Variants in CWC25 observed in about 807,000 individuals in gnomAD.
CWC25 encodes pre-mRNA-splicing factor CWC25 homolog.
Under a neutral mutation model 54.6 loss-of-function variants are expected in CWC25, and 31 were observed. That is an observed-to-expected ratio of 0.57 (90% confidence interval 0.43 to 0.77). The LOEUF is 0.77. Ranked by LOEUF, CWC25 falls within the 30% of genes least tolerant of loss-of-function variation. The pLI is 0.00. For missense variants in CWC25, 453 were observed against 529.3 expected (o/e 0.86, Z 1.41); for synonymous variants, 151 against 187.0 (o/e 0.81, Z 1.57).
chr17:38,807,394 A>G (rs1290624255), intron 6 of CWC25, among the ~76,000 whole-genome samples: 1 of 140,078 alleles, frequency 7.1e-6, no homozygotes, highest in East Asian at 2.1e-4. Flanking sequence ...TGAGCACACC[A>G]ATATCATCAC....
At chr17:38,812,899 T>C (rs748044707) in intron 3 of CWC25, 35 bp from the exon 4 acceptor site, 2 of 1,208,122 alleles carry the variant, frequency 1.7e-6, no homozygotes, top group African/African-American at 1.5e-5. Context: ...CATGACTATT[T>C]CTTTTCTCCA....
At chr17:38,824,181 C>T (rs1912043339) in intron 1 of CWC25, among the ~76,000 whole-genome samples, 1 of 152,184 alleles carries the variant, frequency 6.6e-6, no homozygotes, top group South Asian at 2.1e-4. Context: ...CTAGCATTTT[C>T]CCAACCTTGC....
At chr17:38,805,301 A>C (rs11870998) in intron 8 of CWC25, among the ~76,000 whole-genome samples, 15,669 of 152,040 alleles carry the variant, frequency 0.1, 2,166 homozygotes, top group African/African-American at 0.32. Flanking sequence ...AGAAAAAAGA[A>C]AATATCTAAT....
chr17:38,803,714 CA>C (rs1244784657), intron 8 of CWC25, among the ~76,000 whole-genome samples: 1 of 147,430 alleles, frequency 6.8e-6, no homozygotes, highest in African/African-American at 2.6e-5. Context: ...TTAGAGCATT[CA>C]AATGAGAGTA....
chr17:38,813,079 G>A (rs758615175), intron 3 of CWC25, among the ~76,000 whole-genome samples: 7 of 151,888 alleles, frequency 4.6e-5, no homozygotes, highest in African/African-American at 7.3e-5. Flanking sequence ...CCTGGGAGGC[G>A]GAGATTGCAG....
chr17:38,823,074 A>G, intron 1 of CWC25, among the ~76,000 whole-genome samples: 1 of 151,030 alleles, frequency 6.6e-6, no homozygotes, highest in African/African-American at 2.4e-5. Context: ...TCCTGACCTC[A>G]TGATCTGCCC....
chr17:38,824,631 A>T (rs1912067490), intron 1 of CWC25, among the ~76,000 whole-genome samples: 1 of 151,828 alleles, frequency 6.6e-6, no homozygotes, highest in Admixed American at 6.6e-5. Flanking sequence ...GGTTGCGGTC[A>T]GCCGAGATCG....
intron 9 of CWC25, among the ~76,000 whole-genome samples, 197 bp downstream of exon 9, chr17:38,802,503 A>G (rs1253197735): frequency 6.6e-6 from 1 of 152,222 alleles, no homozygotes; most frequent in African/African-American, 2.4e-5. Context: ...ATGATTTAGA[A>G]AATACCAAAT....
intron 1 of CWC25, 62 bp from the exon 2 acceptor site, chr17:38,821,135 A>G: frequency 2.0e-6 from 3 of 1,529,408 alleles, no homozygotes; most frequent in South Asian, 1.2e-5. Flanking sequence ...GGGTATAACT[A>G]GCCCTGCCTC....
intron 6 of CWC25, among the ~76,000 whole-genome samples, chr17:38,808,948 A>C (rs1299005356): frequency 1.5e-5 from 1 of 66,298 alleles, no homozygotes; most frequent in African/African-American, 1.6e-4. Flanking sequence ...CTCCACCTCA[A>C]AAAAAAAAAA....
chr17:38,804,026 CAGAGTG>C (rs2143541901), intron 8 of CWC25, among the ~76,000 whole-genome samples: 1 of 152,086 alleles, frequency 6.6e-6, no homozygotes, highest in East Asian at 1.9e-4. Flanking sequence ...ACCTAGGCAA[CAGAGTG>C]AGACCTTGTA....
Position 38,802,779 on chromosome 17 carries a change from T to C in CWC25, c.1084A>G (p.Ile362Val), listed in dbSNP as rs1479396258. 6.2e-7 allele frequency: 1 copy of C among 1,614,010 alleles called. No individual in the cohort carries two copies. The highest frequency in any genetic ancestry group is 1.1e-5 in the South Asian group (1 of 91,084). ...TCATCCTTAGCATGCCTCTTGAGGA[T>C]GTTCAGTCTCTCCTCCTCCCTCCAT... The part of the protein sequence containing the change: ...AKWREEERLN[I>V]LKRHAKDEER... Residue 362 changes from isoleucine to valine, a missense_variant, in exon 9 of 10, where the codon ATC becomes GTC. Transcript: ENST00000614790.
Position 38,814,860 on chromosome 17 carries a change from C to A in CWC25, c.428+1G>T, listed in dbSNP as rs1210938856. ...CCCCCTTCCTAGCCCCCCATTAGTA[C>A]CTGATGATGAAGAGTGGGTCCTCCC... is the stretch of plus-strand genomic sequence containing the variant. On this transcript the variant is annotated splice_donor_variant, in intron 3 of 9. Coordinates refer to ENST00000614790, the MANE Select transcript of CWC25 (RefSeq NM_017748.5). LOFTEE classifies it high-confidence loss of function. 1 of 1,610,382 alleles carries A rather than the reference C, an allele frequency of 6.2e-7. No homozygotes were observed. The highest frequency in any genetic ancestry group is 2.2e-5 in the East Asian group (1 of 44,774).
chr17:38,816,396 C>T (rs989778558), intron 2 of CWC25, among the ~76,000 whole-genome samples: 3 of 151,768 alleles, frequency 2.0e-5, no homozygotes, highest in African/African-American at 7.3e-5. Flanking sequence ...CAGGGATGCA[C>T]CACCATGCCT....
At position 38,808,316 on chromosome 17, in the gene CWC25, AGGT is replaced by A. The variant is rs1911339706; in HGVS notation, c.691-1343_691-1341del. Among the ~76,000 whole-genome samples, 8 of 138,330 alleles carry A rather than the reference AGGT, an allele frequency of 5.8e-5. 1 individual carries two copies. The Admixed American group carries it at 6.3e-4, about 11-fold the overall frequency. 90.7% of individuals were successfully genotyped at this position (138,330 alleles called of 152,430 possible). Reference sequence around the variant, plus strand: ...AGAATCACTTGAATGCAGGAGGCAGAGGTTGCAGTGAGCCGAGATCGCACCATT... The same window carrying A: ...AGAATCACTTGAATGCAGGAGGCAGATGCAGTGAGCCGAGATCGCACCATT... On this transcript the variant is annotated intron_variant, in intron 6 of 9. Coordinates refer to ENST00000614790, the MANE Select transcript of CWC25 (RefSeq NM_017748.5).
intron 1 of CWC25, among the ~76,000 whole-genome samples, chr17:38,823,084 C>T (rs1278967896): frequency 6.6e-6 from 1 of 151,656 alleles, no homozygotes; most frequent in East Asian, 1.9e-4. Flanking sequence ...ATGATCTGCC[C>T]GCCTTGGCCT....
intron 7 of CWC25, 78 bp downstream of exon 7, chr17:38,806,687 A>G (rs1911254549): frequency 7.6e-7 from 1 of 1,312,734 alleles, no homozygotes; most frequent in Non-Finnish European, 1.0e-6. Context: ...GACGGACATC[A>G]CCAAAAGCAA....
At chr17:38,813,673 G>A (rs1598073700) in intron 3 of CWC25, among the ~76,000 whole-genome samples, 1 of 151,526 alleles carries the variant, frequency 6.6e-6, no homozygotes, top group East Asian at 1.9e-4. Context: ...CTTCCCAAGT[G>A]GCTGGGACTA....
intron 1 of CWC25, among the ~76,000 whole-genome samples, 163 bp downstream of exon 1, chr17:38,825,003 C>T (rs1197627549): frequency 6.6e-6 from 1 of 152,200 alleles, no homozygotes; most frequent in East Asian, 1.9e-4. Flanking sequence ...CAGTCCCACC[C>T]CTCCATTGCC....
Sources: allele counts gnomAD v4.1 joint callset (sites outside exome capture counted in the v4.1 genomes callset), GRCh38; gene constraint gnomAD v4.1.1; transcripts MANE v1.5; gene names NCBI Gene and HGNC (gene_info 2026-07-23, HGNC 2026-07-21).